Variants in TMEM131L observed in about 807,000 individuals in gnomAD.
The protein encoded by TMEM131L is transmembrane 131 like, also known as transmembrane protein 131-like.
In TMEM131L, 54 loss-of-function variants were observed where a neutral mutation model predicts 192.2. The observed-to-expected ratio is 0.28, with a 90% CI of 0.23 to 0.35. TMEM131L has a LOEUF of 0.35. Among genes scored for constraint, TMEM131L ranks in the 10% least tolerant of loss-of-function variants. The pLI is 1.00. For missense variants in TMEM131L, 1,888 were observed against 1,972.9 expected (o/e 0.96, Z 0.82); for synonymous variants, 701 against 704.9 (o/e 0.99, Z 0.09).
chr4:153,468,854 A>G (rs973366860), intron 2 of TMEM131L, among the ~76,000 whole-genome samples: 1 of 151,954 alleles, frequency 6.6e-6, no homozygotes, highest in Non-Finnish European at 1.5e-5. Context: ...ATCTATGTAT[A>G]TGTATTTGCA....
intron 3 of TMEM131L, among the ~76,000 whole-genome samples, chr4:153,499,966 C>T (rs1301655845): frequency 6.6e-6 from 1 of 151,648 alleles, no homozygotes; most frequent in Non-Finnish European, 1.5e-5. Flanking sequence ...TTTTTTTTAA[C>T]TCGCCCAGGC....
At chr4:153,563,637 T>G (rs1728994468) in intron 7 of TMEM131L, among the ~76,000 whole-genome samples, 1 of 151,624 alleles carries the variant, frequency 6.6e-6, no homozygotes, top group South Asian at 2.1e-4. Flanking sequence ...CCAGCTAATT[T>G]TTGTATTTTT....
Position 153,467,429 on chromosome 4 carries a change from A to C in TMEM131L, c.195+148A>C, listed in dbSNP as rs926545175. On this transcript the variant is annotated intron_variant, in intron 2 of 34. Coordinates refer to ENST00000409959, the MANE Select transcript of TMEM131L (RefSeq NM_001131007.2). ...TAAACGTTAGGGGCCGAGCCTGAAC[A>C]CCTGGCAACGGTGGCCTTCCCGGCT... 24 of 693,800 alleles carry C rather than the reference A, an allele frequency of 3.5e-5. No individual in the cohort carries two copies. In the African/African-American group the frequency reaches 4.1e-4, roughly 12 times the overall value. The allele number at this position is 693,800 out of a possible 1,614,324, so 43.0% of individuals were successfully genotyped here.
intron 3 of TMEM131L, among the ~76,000 whole-genome samples, chr4:153,548,186 G>A (rs1737336299): frequency 6.6e-6 from 1 of 152,224 alleles, no homozygotes. Context: ...ATTAGTGCTG[G>A]CCTTTTAGGG....
chr4:153,626,629 C>T lies in TMEM131L; in HGVS notation c.4124+404C>T, dbSNP rs117558927. On this transcript the variant is annotated intron_variant, in intron 30 of 34. Coordinates refer to ENST00000409959, the MANE Select transcript of TMEM131L (RefSeq NM_001131007.2). Reference sequence around the variant, plus strand: ...TTTTTTCTTTTTAAATTAGGCGTAGCGGCGCATGCCTGTATTTCCAGCTAC... The same window carrying T: ...TTTTTTCTTTTTAAATTAGGCGTAGTGGCGCATGCCTGTATTTCCAGCTAC... 1.7e-3 allele frequency among the ~76,000 whole-genome samples: 254 copies of T among 152,276 alleles called. 5 individuals are homozygous for T. In the East Asian group the frequency reaches 0.039, roughly 24 times the overall value.
chr4:153,550,152 T>C lies in TMEM131L; in HGVS notation c.308+11T>C. On this transcript the variant is annotated intron_variant, in intron 4 of 34. Coordinates refer to ENST00000409959, the MANE Select transcript of TMEM131L (RefSeq NM_001131007.2). ...AGATTTTGGAATACAGTAAGTATCT[T>C]TTCTTTATAATTAAAACTCATTTTA... 8.6e-7 allele frequency: 1 copy of C among 1,162,938 alleles called. No homozygotes were observed. Among genetic ancestry groups the C allele is most frequent in the Non-Finnish European group, 1.2e-6 (1 of 836,748 alleles). 72.0% of individuals were successfully genotyped at this position (1,162,938 alleles called of 1,614,324 possible). A position where few individuals can be genotyped will look rare whatever the true frequency, so the allele number is the denominator to read the frequency against.
At chr4:153,605,998 T>C (rs1010219713) in intron 25 of TMEM131L, among the ~76,000 whole-genome samples, 5 of 152,220 alleles carry the variant, frequency 3.3e-5, no homozygotes, top group African/African-American at 4.8e-5. Flanking sequence ...AGTGGACTTA[T>C]GTCTGCAGGG....
intron 3 of TMEM131L, among the ~76,000 whole-genome samples, chr4:153,527,115 A>G (rs929005308): frequency 1.3e-5 from 2 of 152,166 alleles, no homozygotes; most frequent in Non-Finnish European, 2.9e-5. Flanking sequence ...TCTGACACAA[A>G]GCTCATGTTG....
chr4:153,517,839 T>C (rs1191044960), intron 3 of TMEM131L, among the ~76,000 whole-genome samples: 1 of 152,172 alleles, frequency 6.6e-6, no homozygotes, highest in African/African-American at 2.4e-5. Context: ...AACCCAATGG[T>C]GGTAGTAGGC....
chr4:153,585,552 G>A lies in TMEM131L; in HGVS notation c.1252G>A (p.Asp418Asn), dbSNP rs763681554. ...GTCAATATGGTACCGCAACCATTTT[G>A]ACCGTAGTGTTGTATTAAATGATGT... ...LWSIWYRNHF[D>N]RSVVLNDVFL... The change falls in exon 13 of 35, where the codon GAC becomes AAC. Residue 418 changes from aspartate (D) to asparagine (N), a missense_variant. By Grantham distance (23) the Asp-to-Asn change is conservative. Coordinates refer to ENST00000409959, the MANE Select transcript of TMEM131L (RefSeq NM_001131007.2). 3 of 1,614,038 alleles carry A rather than the reference G, an allele frequency of 1.9e-6. No individual in the cohort carries two copies. Among genetic ancestry groups the A allele is most frequent in the African/African-American group, 1.3e-5 (1 of 75,032 alleles).
intron 25 of TMEM131L, among the ~76,000 whole-genome samples, chr4:153,611,164 C>T (rs1578862629): frequency 6.6e-6 from 1 of 152,252 alleles, no homozygotes; most frequent in African/African-American, 2.4e-5. Context: ...CGATTGGCTG[C>T]TCCACAGGGG....
intron 15 of TMEM131L, among the ~76,000 whole-genome samples, chr4:153,588,406 T>A (rs1006734858): frequency 2.1e-5 from 3 of 145,516 alleles, no homozygotes. Context: ...ACAGAACAAA[T>A]CTGTTGGTAG....
Position 153,591,197 on chromosome 4 carries a change from G to GAGGA in TMEM131L, c.1812+4_1812+7dup. The GAGGA allele has an allele frequency of 6.3e-7, 1 of 1,594,360 alleles. No homozygotes were observed. Among genetic ancestry groups the GAGGA allele is most frequent in the Non-Finnish European group, 8.5e-7 (1 of 1,169,908 alleles). On this transcript the variant is annotated splice_donor_region_variant and intron_variant, in intron 17 of 34. Coordinates refer to ENST00000409959, the MANE Select transcript of TMEM131L (RefSeq NM_001131007.2). ...CAACTGCCCTTAGGAGCAGGATGGT[G>GAGGA]AGGACAGTGTGTCTTTTCATTTCTT...
At position 153,466,387 on chromosome 4, in the gene TMEM131L, C is replaced by A; in HGVS notation, c.-11C>A. ...GCGCGGCGAGCAACGGAGAGGAGCG[C>A]GAGCAGCAGCATGGCGGGGCTCCGA... On this transcript the variant is annotated 5_prime_UTR_variant, in exon 1 of 35. Transcript: ENST00000409959. 7.7e-7 allele frequency: 1 copy of A among 1,305,858 alleles called. No homozygotes were observed. Among genetic ancestry groups the A allele is most frequent in the Non-Finnish European group, 9.8e-7 (1 of 1,024,000 alleles). 80.9% of individuals were successfully genotyped at this position (1,305,858 alleles called of 1,614,324 possible).
At chr4:153,597,038 A>G (rs1266857561) in intron 20 of TMEM131L, among the ~76,000 whole-genome samples, 1 of 152,194 alleles carries the variant, frequency 6.6e-6, no homozygotes. Flanking sequence ...TTAATTTTTA[A>G]TAAATGACAT....
chr4:153,635,448 C>A lies in TMEM131L; in HGVS notation c.4434C>A (p.Ala1478=). ...NAFPEENMNY[A]NGFPCPADVQ... ...TCTTTGTAGAAAACATGAACTATGC[C>A]AATGGCTTCCCCTGTCCTGCAGATG... Residue 1478 remains alanine, a synonymous_variant, in exon 34 of 35, where the codon GCC becomes GCA. Coordinates refer to ENST00000409959, the MANE Select transcript of TMEM131L (RefSeq NM_001131007.2). The A allele has an allele frequency of 6.2e-7, 1 of 1,613,846 alleles. No homozygotes were observed. Among genetic ancestry groups the A allele is most frequent in the Non-Finnish European group, 8.5e-7 (1 of 1,179,756 alleles).
At chr4:153,533,092 T>G (rs1191292616) in intron 3 of TMEM131L, among the ~76,000 whole-genome samples, 1 of 151,346 alleles carries the variant, frequency 6.6e-6, no homozygotes, top group East Asian at 1.9e-4. Flanking sequence ...GTTCAAGCAA[T>G]TTTCCTGCCT....
In TMEM131L at chr4:153,542,630, T is replaced by C. The variant is rs115706815; in HGVS notation, c.240-7443T>C. Among the ~76,000 whole-genome samples the C allele has an allele frequency of 5.1e-3, 776 of 152,372 alleles. 3 individuals carry two copies. Among genetic ancestry groups the C allele is most frequent in the African/African-American group, 0.018 (735 of 41,574 alleles). On this transcript the variant is annotated intron_variant, in intron 3 of 34. Transcript: ENST00000409959. ...AAAGTGCTTGGCACAACATCTGGTA[T>C]ACTACAAGTACTTAATAAATTTACT...
chr4:153,487,262 A>G lies in TMEM131L; in HGVS notation c.239+13374A>G, dbSNP rs149148223. 1.6e-4 allele frequency among the ~76,000 whole-genome samples: 24 copies of G among 152,286 alleles called. No homozygotes were observed. In the East Asian group the frequency reaches 4.4e-3, roughly 28 times the overall value. ...TAAAACAGTGGGTGGAAATTGGGAG[A>G]TGGTTGCTTTTCAGCCTGACTTACC... On this transcript the variant is annotated intron_variant, in intron 3 of 34. Coordinates refer to ENST00000409959, the MANE Select transcript of TMEM131L (RefSeq NM_001131007.2).
Sources: gnomAD v4.1 joint callset for allele counts (sites outside exome capture counted in the v4.1 genomes callset) on GRCh38, gnomAD v4.1.1 for gene constraint, MANE v1.5 for transcripts, NCBI Gene and HGNC (gene_info 2026-07-23, HGNC 2026-07-21) for gene names.